Variants in KAZN observed in about 807,000 individuals in gnomAD.
The protein encoded by KAZN is kazrin, periplakin interacting protein, also known as kazrin.
Under a neutral mutation model 87.4 loss-of-function variants are expected in KAZN, and 40 were observed. The ratio of observed to expected loss-of-function variants is 0.46; its 90% confidence interval spans 0.36 to 0.60. The LOEUF (loss-of-function observed/expected upper bound fraction) is 0.60, where lower values mean the gene tolerates loss of function less well. Among genes scored for constraint, KAZN ranks in the 20% least tolerant of loss-of-function variants. The pLI is 0.00. For synonymous variants in KAZN, 466 were observed against 458.3 expected, an observed-to-expected ratio of 1.02 and a Z score of -0.22; for missense variants, 898 against 1,073.9, an observed-to-expected ratio of 0.84 and a Z score of 2.29.
intron 2 of KAZN, among the ~76,000 whole-genome samples, chr1:14,327,055 C>T (rs1313151019): frequency 6.6e-6 from 1 of 152,118 alleles, no homozygotes; most frequent in African/African-American, 2.4e-5. Flanking sequence ...TAGAACAGTA[C>T]CTGGAACAGT....
chr1:14,802,086 G>A (rs1293855116), intron 1 of KAZN, among the ~76,000 whole-genome samples: 2 of 152,018 alleles, frequency 1.3e-5, no homozygotes, highest in East Asian at 3.9e-4. Context: ...AGCTTTCGTC[G>A]ACTCTCTCCA....
At chr1:14,833,537 C>G (rs1647115201) in intron 1 of KAZN, among the ~76,000 whole-genome samples, 1 of 152,164 alleles carries the variant, frequency 6.6e-6, no homozygotes. Flanking sequence ...AGATATCCCG[C>G]CAAGGGGCAG....
chr1:13,935,672 T>A (rs1016546670), intron 1 of KAZN, among the ~76,000 whole-genome samples: 1 of 152,180 alleles, frequency 6.6e-6, no homozygotes, highest in African/African-American at 2.4e-5. Context: ...TGTAGTTGCA[T>A]CTTGAATTAA....
rs1244560457 is a variant in KAZN, at chr1:13,923,340, G to GTTA, written c.91+29584_91+29585insTTA. ...TGTAATCCCAGCACTTTGGGAGGCT[G>GTTA]AGGTGGGCAGATCACGAGGTCAGGA... On this transcript the variant is annotated intron_variant, in intron 1 of 16. Transcript: ENST00000636203. 1.5e-3 allele frequency among the ~76,000 whole-genome samples: 235 copies of GTTA among 152,252 alleles called. 1 individual carries two copies. The highest frequency in any genetic ancestry group is 5.4e-3 in the African/African-American group (225 of 41,556).
intron 1 of KAZN, among the ~76,000 whole-genome samples, chr1:14,713,096 A>G (rs1192132430): frequency 6.6e-6 from 1 of 152,156 alleles, no homozygotes. Context: ...AGCCTGCTCA[A>G]TACCTGTGGG....
At chr1:14,449,777 G>A (rs1667169011) in intron 2 of KAZN, among the ~76,000 whole-genome samples, 1 of 152,128 alleles carries the variant, frequency 6.6e-6, no homozygotes, top group African/African-American at 2.4e-5. Context: ...GGATCATCCG[G>A]TTTGCTGCTT....
intron 1 of KAZN, among the ~76,000 whole-genome samples, chr1:14,772,510 C>A (rs371059727): frequency 8.0e-6 from 1 of 125,086 alleles, no homozygotes; most frequent in African/African-American, 2.8e-5. Context: ...TCACCTAATA[C>A]GTTTAATAGA....
intron 1 of KAZN, among the ~76,000 whole-genome samples, chr1:14,836,732 G>T (rs1273012970): frequency 6.6e-6 from 1 of 152,052 alleles, no homozygotes; most frequent in African/African-American, 2.4e-5. Flanking sequence ...AAATGGAGAG[G>T]GGGTGTCTCA....
intron 1 of KAZN, among the ~76,000 whole-genome samples, chr1:14,656,856 G>T (rs1404250307): frequency 6.6e-6 from 1 of 152,190 alleles, no homozygotes; most frequent in Non-Finnish European, 1.5e-5. Context: ...GGAGATTCGG[G>T]CAGAGACACA....
intron 2 of KAZN, among the ~76,000 whole-genome samples, chr1:14,280,886 T>A (rs1652796199): frequency 6.6e-6 from 1 of 152,210 alleles, no homozygotes; most frequent in Non-Finnish European, 1.5e-5. Context: ...GGTACTGTTA[T>A]GATTCCTATT....
intron 1 of KAZN, among the ~76,000 whole-genome samples, chr1:14,839,388 A>G (rs976685380): frequency 1.3e-5 from 2 of 152,150 alleles, no homozygotes; most frequent in African/African-American, 4.8e-5. Context: ...CAAGTCAAAC[A>G]CCTAGAACAG....
intron 1 of KAZN, among the ~76,000 whole-genome samples, chr1:14,081,845 C>G (rs368640365): frequency 6.6e-6 from 1 of 152,164 alleles, no homozygotes; most frequent in African/African-American, 2.4e-5. Context: ...CTTAACCTTC[C>G]GGGCTAGATC....
intron 1 of KAZN, among the ~76,000 whole-genome samples, chr1:14,092,092 CTTTTT>C (rs869248379): frequency 1.5e-5 from 2 of 129,092 alleles, no homozygotes; most frequent in African/African-American, 2.9e-5. Context: ...ATTTTCTTTT[CTTTTT>C]TTTTTTTTTT....
intron 1 of KAZN, among the ~76,000 whole-genome samples, chr1:14,745,525 A>T (rs1644240788): frequency 6.6e-6 from 1 of 152,164 alleles, no homozygotes; most frequent in East Asian, 1.9e-4. Flanking sequence ...TAAAACTGAA[A>T]GGAGGCTTTT....
At chr1:14,829,624 G>A (rs958807100) in intron 1 of KAZN, among the ~76,000 whole-genome samples, 1 of 152,200 alleles carries the variant, frequency 6.6e-6, no homozygotes, top group Non-Finnish European at 1.5e-5. Context: ...CTGTGTGCAT[G>A]TGTTTATTGG....
chr1:14,412,541 T>C (rs1664390853), intron 2 of KAZN, among the ~76,000 whole-genome samples: 1 of 152,062 alleles, frequency 6.6e-6, no homozygotes, highest in African/African-American at 2.4e-5. Flanking sequence ...GCACTAGCAA[T>C]AAAAACTTAA....
At position 15,002,853 on chromosome 1, in the gene KAZN, G is replaced by A. The variant is rs150387037; in HGVS notation, c.419-31896G>A. 3.9e-3 allele frequency among the ~76,000 whole-genome samples: 598 copies of A among 152,096 alleles called. 5 individuals are homozygous for A. Among genetic ancestry groups the A allele is most frequent in the Middle Eastern group, 0.017 (5 of 294 alleles). On this transcript the variant is annotated intron_variant, in intron 2 of 14. Coordinates refer to ENST00000376030, the MANE Select transcript of KAZN (RefSeq NM_201628.3). Reference sequence around the variant, plus strand: ...TAGCCTGGTATGGTGGTGGGCGCCTGTAATCCCAGCTACTCAGGAGGCTAA... The same window carrying A: ...TAGCCTGGTATGGTGGTGGGCGCCTATAATCCCAGCTACTCAGGAGGCTAA...
chr1:14,439,736 C>T (rs940102801), intron 2 of KAZN, among the ~76,000 whole-genome samples: 7 of 152,210 alleles, frequency 4.6e-5, no homozygotes, highest in Non-Finnish European at 1.0e-4. Flanking sequence ...TGCAGGCCTA[C>T]AATGCCCAAC....
At chr1:14,860,380 T>A (rs1180669698) in intron 1 of KAZN, among the ~76,000 whole-genome samples, 1 of 152,068 alleles carries the variant, frequency 6.6e-6, no homozygotes, top group Admixed American at 6.6e-5. Context: ...TTAGTAGAGA[T>A]GGGGTTTCAC....
Sources: allele counts gnomAD v4.1 joint callset (sites outside exome capture counted in the v4.1 genomes callset), GRCh38; gene constraint gnomAD v4.1.1; transcripts MANE v1.5; gene names NCBI Gene and HGNC (gene_info 2026-07-23, HGNC 2026-07-21).